PABPC4L: variants seen among roughly 807,000 people sequenced by gnomAD.
The protein encoded by PABPC4L is polyadenylate-binding protein 4-like.
For synonymous variants in PABPC4L, 169 were observed against 164.1 expected (o/e 1.03, Z -0.23); for missense variants, 452 against 451.4 (o/e 1.00, Z -0.01).
the PABPC4L span, among the ~76,000 whole-genome samples, chr4:134,128,423 GT>G: frequency 2.6e-5 from 4 of 152,248 alleles, no homozygotes; most frequent in South Asian, 8.3e-4. Flanking sequence ...AAAGCATCAG[GT>G]AACCTATAAA....
At chr4:134,024,834 G>C in the PABPC4L span, among the ~76,000 whole-genome samples, 1 of 142,328 alleles carries the variant, frequency 7.0e-6, no homozygotes, top group South Asian at 2.2e-4. Flanking sequence ...TTTGGAGACA[G>C]AATCTTGCCA....
the PABPC4L span, among the ~76,000 whole-genome samples, chr4:133,961,250 A>G: frequency 6.6e-6 from 1 of 152,156 alleles, no homozygotes; most frequent in Admixed American, 6.5e-5. Flanking sequence ...CTGTGCAGCC[A>G]ACTCCCAGTA....
chr4:134,134,185 A>T, the PABPC4L span, among the ~76,000 whole-genome samples: 1 of 152,064 alleles, frequency 6.6e-6, no homozygotes, highest in African/African-American at 2.4e-5. Flanking sequence ...ATCTGATTTT[A>T]AGTTCTAACT....
chr4:134,184,365 T>C, the PABPC4L span, among the ~76,000 whole-genome samples: 1 of 151,954 alleles, frequency 6.6e-6, no homozygotes, highest in African/African-American at 2.4e-5. Flanking sequence ...AAATGTAAAA[T>C]ATGATTTTAG....
At chr4:134,007,714 AT>A in the PABPC4L span, among the ~76,000 whole-genome samples, 3 of 151,756 alleles carry the variant, frequency 2.0e-5, no homozygotes, top group Non-Finnish European at 4.4e-5. Context: ...AATAATACTA[AT>A]ATCAACTTTA....
the PABPC4L span, among the ~76,000 whole-genome samples, chr4:134,007,908 T>TAA: frequency 8.6e-5 from 13 of 151,796 alleles, no homozygotes; most frequent in Non-Finnish European, 1.6e-4. Flanking sequence ...CTGAAACTTT[T>TAA]ACTATGTCAT....
the PABPC4L span, among the ~76,000 whole-genome samples, chr4:134,045,410 A>T: frequency 6.6e-6 from 1 of 152,248 alleles, no homozygotes; most frequent in Non-Finnish European, 1.5e-5. Context: ...TAGATACCTT[A>T]CTGAGGAAAC....
chr4:134,104,251 A>T, the PABPC4L span, among the ~76,000 whole-genome samples: 1 of 151,678 alleles, frequency 6.6e-6, no homozygotes. Flanking sequence ...CTGAGCAAGC[A>T]TCATCAGAGA....
the PABPC4L span, among the ~76,000 whole-genome samples, chr4:134,131,230 A>G: frequency 6.6e-6 from 1 of 152,058 alleles, no homozygotes; most frequent in Non-Finnish European, 1.5e-5. Flanking sequence ...AGGGCATCCA[A>G]ATCAATGAAG....
At chr4:134,126,626 T>C in the PABPC4L span, among the ~76,000 whole-genome samples, 1 of 152,106 alleles carries the variant, frequency 6.6e-6, no homozygotes, top group Non-Finnish European at 1.5e-5. Flanking sequence ...TCCTCTATCC[T>C]ATAAAACTTC....
the PABPC4L span, among the ~76,000 whole-genome samples, chr4:134,034,782 T>C: frequency 6.6e-6 from 1 of 151,944 alleles, no homozygotes; most frequent in Non-Finnish European, 1.5e-5. Context: ...GAGTAGATAA[T>C]GTGGTTTCTT....
chr4:134,082,963 C>T, the PABPC4L span, among the ~76,000 whole-genome samples: 2 of 152,146 alleles, frequency 1.3e-5, no homozygotes, highest in Admixed American at 6.6e-5. Context: ...CTTCTCTGTA[C>T]TGCATGAGCA....
the PABPC4L span, among the ~76,000 whole-genome samples, chr4:133,964,064 G>A: frequency 1.3e-5 from 2 of 151,836 alleles, no homozygotes; most frequent in African/African-American, 2.4e-5. Flanking sequence ...GATAAAATTG[G>A]TAGACCATTA....
the PABPC4L span, among the ~76,000 whole-genome samples, chr4:134,093,161 CT>C: frequency 0.012 from 1,701 of 145,704 alleles, 24 homozygotes; most frequent in African/African-American, 0.039. Context: ...TTTTATGTAT[CT>C]TTTTTTTTTG....
chr4:134,090,323 G>C, the PABPC4L span, among the ~76,000 whole-genome samples: 1 of 152,058 alleles, frequency 6.6e-6, no homozygotes, highest in Admixed American at 6.6e-5. Flanking sequence ...ATTCAAACAT[G>C]TTATATACTA....
At chr4:133,973,242 T>A in the PABPC4L span, among the ~76,000 whole-genome samples, 2 of 151,664 alleles carry the variant, frequency 1.3e-5, no homozygotes, top group African/African-American at 4.9e-5. Context: ...CTAAAGAAGA[T>A]CTTCTAAAAA....
Position 134,201,788 on chromosome 4 carries a change from G to A in PABPC4L, c.-297C>T, listed in dbSNP as rs994135460. ...GAACTTCCCGCGCACTCGCTGCCAAGTGGGATGTTTTCTTTTTAATATTTT... is the reference window on the plus strand; with the variant it reads ...GAACTTCCCGCGCACTCGCTGCCAAATGGGATGTTTTCTTTTTAATATTTT... On this transcript the variant is annotated 5_prime_UTR_variant, in exon 1 of 2. Transcript: ENST00000421491. 1.3e-5 allele frequency: 2 copies of A among 152,488 alleles called. No homozygotes were observed. The highest frequency in any genetic ancestry group is 2.9e-5 in the Non-Finnish European group (2 of 68,272). The allele number at this position is 152,488 out of a possible 1,614,324, so 9.4% of individuals were successfully genotyped here.
the PABPC4L span, among the ~76,000 whole-genome samples, chr4:134,071,599 A>T: frequency 2.4e-3 from 367 of 152,274 alleles, 2 homozygotes; most frequent in East Asian, 1.9e-3. Flanking sequence ...GATAATTTAA[A>T]TGAAATAGTG....
the PABPC4L span, among the ~76,000 whole-genome samples, chr4:134,127,022 C>G: frequency 1.3e-5 from 2 of 152,030 alleles, no homozygotes; most frequent in African/African-American, 2.4e-5. Flanking sequence ...CCCTGACTTT[C>G]CTGGTGACCT....
Sources: allele counts gnomAD v4.1 joint callset (sites outside exome capture counted in the v4.1 genomes callset), GRCh38; gene constraint gnomAD v4.1.1; transcripts MANE v1.5; gene names NCBI Gene and HGNC (gene_info 2026-07-23, HGNC 2026-07-21).